Variants in KREMEN1 observed in about 807,000 individuals in gnomAD.
The protein encoded by KREMEN1 is kremen protein 1.
A neutral mutation model predicts 46.5 loss-of-function variants in KREMEN1; 30 were observed. That is an observed-to-expected ratio of 0.65 (90% confidence interval 0.48 to 0.88). KREMEN1 has a LOEUF of 0.88. Among genes scored for constraint, KREMEN1 ranks in the 40% least tolerant of loss-of-function variants. The pLI is 0.00. For missense variants in KREMEN1, 533 were observed against 596.9 expected, an observed-to-expected ratio of 0.89 and a Z score of 1.11; for synonymous variants, 214 against 230.6, an observed-to-expected ratio of 0.93 and a Z score of 0.65.
chr22:29,161,235 T>G (rs554695416), intron 9 of KREMEN1, among the ~76,000 whole-genome samples: 1 of 151,928 alleles, frequency 6.6e-6, no homozygotes, highest in African/African-American at 2.4e-5. Flanking sequence ...TGGCCAGGCG[T>G]GGTGGCTCAT....
At chr22:29,099,037 GTAGT>G (rs2037931900) in intron 3 of KREMEN1, 84 bp downstream of exon 3, 1 of 986,588 alleles carries the variant, frequency 1.0e-6, no homozygotes, top group African/African-American at 1.6e-5. Context: ...CAGAGGTCAG[GTAGT>G]TAGGCTGGTG....
At chr22:29,090,755 C>A (rs1162655976) in intron 1 of KREMEN1, among the ~76,000 whole-genome samples, 3 of 152,148 alleles carry the variant, frequency 2.0e-5, no homozygotes, top group Non-Finnish European at 4.4e-5. Flanking sequence ...GCAGAGCATT[C>A]GAGTTGGTTT....
intron 3 of KREMEN1, among the ~76,000 whole-genome samples, chr22:29,100,023 C>T (rs556313020): frequency 9.2e-5 from 14 of 152,058 alleles, no homozygotes; most frequent in African/African-American, 3.4e-4. Flanking sequence ...CAGTCAGTTA[C>T]AGATCACACT....
In KREMEN1 at chr22:29,164,746, C is replaced by CAAAAAAAAA. The variant is rs34444682; in HGVS notation, c.1417-2296_1417-2288dup. 1.0e-4 allele frequency among the ~76,000 whole-genome samples: 7 copies of CAAAAAAAAA among 68,624 alleles called. 1 individual carries two copies. The highest frequency in any genetic ancestry group is 4.1e-4 in the Admixed American group (2 of 4,912). The allele number at this position is 68,624 out of a possible 152,430, so 45.0% of individuals were successfully genotyped here. A position where few individuals can be genotyped will look rare whatever the true frequency, so the allele number is the denominator to read the frequency against. ...GGGCTACAAGAGTGAAACTCCATCT[C>CAAAAAAAAA]AAAAAAAAAACAAAAAAAAAAACCC... On this transcript the variant is annotated intron_variant, in intron 9 of 9. Coordinates refer to the KREMEN1 transcript ENST00000327813.
At chr22:29,166,848 G>A (rs994430459) in intron 9 of KREMEN1, among the ~76,000 whole-genome samples, 11 of 152,148 alleles carry the variant, frequency 7.2e-5, no homozygotes, top group Admixed American at 3.3e-4. Flanking sequence ...CAGGAAGATC[G>A]CTGGAGTCCA....
rs192725157 is a variant in KREMEN1 at position 29,095,023 on chromosome 22, A to T, written c.260+603A>T. 3.6e-4 allele frequency among the ~76,000 whole-genome samples: 55 copies of T among 151,922 alleles called. No individual in the cohort carries two copies. The East Asian group carries it at 9.3e-3, about 26-fold the overall frequency. On this transcript the variant is annotated intron_variant, in intron 2 of 8. Coordinates refer to ENST00000400335, the MANE Select transcript of KREMEN1 (RefSeq NM_001039570.3). ...CTTGTCTCTTTGGGAGGGTTTTCTT[A>T]GTTAGCCCTACCACCAGTGGACAAT...
chr22:29,101,293 A>ATATTTTTG (rs2037973023), intron 3 of KREMEN1, among the ~76,000 whole-genome samples: 1 of 151,704 alleles, frequency 6.6e-6, no homozygotes, highest in Non-Finnish European at 1.5e-5. Context: ...AGGGAAGAAC[A>ATATTTTTG]TATTTTTGTA....
intron 5 of KREMEN1, among the ~76,000 whole-genome samples, chr22:29,137,119 A>G (rs2038672407): frequency 6.6e-6 from 1 of 152,004 alleles, no homozygotes; most frequent in Non-Finnish European, 1.5e-5. Flanking sequence ...AGGCCACACC[A>G]CTGTGCTGTG....
intron 1 of KREMEN1, among the ~76,000 whole-genome samples, chr22:29,080,962 T>TTTTA (rs2037645751): frequency 6.7e-6 from 1 of 150,122 alleles, no homozygotes; most frequent in Non-Finnish European, 1.5e-5. Context: ...TTTTTTTTTT[T>TTTTA]AGCGTCAAGC....
downstream of KREMEN1, chr22:29,146,882 G>C: frequency 1.5e-5 from 11 of 756,446 alleles, no homozygotes; most frequent in Non-Finnish European, 1.8e-5. Flanking sequence ...ACAAGCGGAG[G>C]GTGTCTGTGG....
intron 9 of KREMEN1, among the ~76,000 whole-genome samples, chr22:29,153,241 C>CG (rs2038931808): frequency 6.6e-6 from 1 of 152,176 alleles, no homozygotes; most frequent in South Asian, 2.1e-4. Flanking sequence ...ATTTTATCAG[C>CG]GGGGTCTTTG....
chr22:29,090,054 A>G (rs1276835623), intron 1 of KREMEN1, among the ~76,000 whole-genome samples: 1 of 152,246 alleles, frequency 6.6e-6, no homozygotes, highest in Non-Finnish European at 1.5e-5. Flanking sequence ...TGTAAGCTCC[A>G]TGAATACAGG....
At position 29,080,083 on chromosome 22, in the gene KREMEN1, T is replaced by C. The variant is rs1437969415; in HGVS notation, c.97+6856T>C. On this transcript the variant is annotated intron_variant, in intron 1 of 8. Coordinates refer to ENST00000400335, the MANE Select transcript of KREMEN1 (RefSeq NM_001039570.3). ...TACAATAATAAAATCCCTATTCCTA[T>C]GTCTATGGGGAAATAAACAGGATGG... is the stretch of plus-strand genomic sequence containing the variant. 3.3e-5 allele frequency among the ~76,000 whole-genome samples: 5 copies of C among 152,244 alleles called. No homozygotes were observed. The East Asian group carries it at 5.8e-4, about 18-fold the overall frequency.
chr22:29,167,315 C>T (rs769871745), exon 10 of KREMEN1: 2 of 568,388 alleles, frequency 3.5e-6, no homozygotes, highest in Non-Finnish European at 6.3e-6. Flanking sequence ...GCTATGATCA[C>T]ACCACCACAC....
At position 29,073,105 on chromosome 22, in the gene KREMEN1, GCC is replaced by G; in HGVS notation, c.-23_-22del. On this transcript the variant is annotated 5_prime_UTR_variant, in exon 1 of 9. The change abolishes the stop of an existing upstream ORF in the 5' untranslated region. Coordinates refer to ENST00000400335, the MANE Select transcript of KREMEN1 (RefSeq NM_001039570.3). This position sits in a 1 kb window ranked among gnomAD's most constrained non-coding sequence, Gnocchi z 4.4. ...CGCTGCCCCCTTTACCCCGGGCCGCGCCCCGGGGCCCCGCACTGACGGCCCAT... is the reference window on the plus strand; with the variant it reads ...CGCTGCCCCCTTTACCCCGGGCCGCGCCGGGGCCCCGCACTGACGGCCCAT... The G allele has an allele frequency of 1.1e-6, 1 of 880,400 alleles. No individual in the cohort carries two copies. Among genetic ancestry groups the G allele is most frequent in the Non-Finnish European group, 1.4e-6 (1 of 731,444 alleles). 54.5% of individuals were successfully genotyped at this position (880,400 alleles called of 1,614,324 possible).
chr22:29,081,117 C>G (rs1266661383), intron 1 of KREMEN1, among the ~76,000 whole-genome samples: 1 of 151,774 alleles, frequency 6.6e-6, no homozygotes, highest in Non-Finnish European at 1.5e-5. Context: ...TTAGGTATAT[C>G]TCCTAATGCT....
chr22:29,073,291 C>T lies in KREMEN1; in HGVS notation c.97+64C>T, dbSNP rs1045809367. 1.5e-4 allele frequency: 105 copies of T among 722,808 alleles called. 1 individual carries two copies. The highest frequency in any genetic ancestry group is 9.5e-5 in the Non-Finnish European group (52 of 548,900). 44.8% of individuals were successfully genotyped at this position (722,808 alleles called of 1,614,324 possible). A position where few individuals can be genotyped will look rare whatever the true frequency, so the allele number is the denominator to read the frequency against. On this transcript the variant is annotated intron_variant, in intron 1 of 8. Transcript: ENST00000400335. The surrounding 1 kb of genome is among the most constrained non-coding windows in gnomAD (Gnocchi z 4.4). ...AGCCCACTCGAGGGGCGACAAGGGC[C>T]GGCCGGCCTGAGAGCCCCCTCCCTC...
At chr22:29,136,071 G>A (rs967542160) in intron 5 of KREMEN1, among the ~76,000 whole-genome samples, 3 of 152,008 alleles carry the variant, frequency 2.0e-5, no homozygotes, top group Non-Finnish European at 2.9e-5. Context: ...ATAGTCACAC[G>A]CCACCACGCC....
chr22:29,156,431 T>C (rs184674134), intron 9 of KREMEN1, among the ~76,000 whole-genome samples: 3 of 152,246 alleles, frequency 2.0e-5, no homozygotes, highest in East Asian at 3.8e-4. Context: ...AGTTGGTAAT[T>C]AACCCTCAGC....
Sources: allele counts gnomAD v4.1 joint callset (sites outside exome capture counted in the v4.1 genomes callset), GRCh38; gene constraint gnomAD v4.1.1; non-coding constraint Gnocchi (gnomAD v3.1); transcripts MANE v1.5; gene names NCBI Gene and HGNC (gene_info 2026-07-23, HGNC 2026-07-21).